Variants in VAV3 observed in about 807,000 individuals in gnomAD.
VAV3 encodes guanine nucleotide exchange factor VAV3.
A neutral mutation model predicts 131.2 loss-of-function variants in VAV3; 94 were observed. That is an observed-to-expected ratio of 0.72 (90% CI 0.61 to 0.85). VAV3 has a LOEUF of 0.85. Among genes scored for constraint, VAV3 ranks in the 40% least tolerant of loss-of-function variants. The pLI is 0.00. For synonymous variants in VAV3, 349 were observed against 342.0 expected, an observed-to-expected ratio of 1.02 and a Z score of -0.22; for missense variants, 939 against 1,002.7, an observed-to-expected ratio of 0.94 and a Z score of 0.86.
intron 1 of VAV3, among the ~76,000 whole-genome samples, chr1:107,885,615 C>G (rs1670997245): frequency 6.6e-6 from 1 of 152,074 alleles, no homozygotes; most frequent in African/African-American, 2.4e-5. Context: ...CCTCTTCAAG[C>G]CTAAGTCTCT....
chr1:107,834,571 C>G (rs575400579), intron 2 of VAV3, among the ~76,000 whole-genome samples: 35 of 151,624 alleles, frequency 2.3e-4, no homozygotes, highest in Non-Finnish European at 4.1e-4. Context: ...CATGACAGAC[C>G]ACATTCCAGG....
chr1:107,704,955 C>T lies in VAV3; in HGVS notation c.1604+5G>A, dbSNP rs1660351796. 1 of 1,612,834 alleles carries T rather than the reference C, an allele frequency of 6.2e-7. No homozygotes were observed. The highest frequency in any genetic ancestry group is 1.1e-5 in the South Asian group (1 of 90,982). On this transcript the variant is annotated splice_donor_5th_base_variant and intron_variant, in intron 16 of 26. Coordinates refer to ENST00000370056, the MANE Select transcript of VAV3 (RefSeq NM_006113.5). The stretch of plus-strand genomic sequence containing the variant: ...AAACTGAAAACCAGGACTGAGCAGG[C>T]TTACCTCAGGAGCATCTGGCAGACT...
chr1:107,798,019 T>A (rs1025473937), intron 2 of VAV3, among the ~76,000 whole-genome samples: 1 of 152,174 alleles, frequency 6.6e-6, no homozygotes, highest in Non-Finnish European at 1.5e-5. Context: ...CACAAGACCA[T>A]AGTTTCAAAG....
chr1:107,885,978 A>C (rs1247413065), intron 1 of VAV3, among the ~76,000 whole-genome samples: 1 of 152,216 alleles, frequency 6.6e-6, no homozygotes, highest in Non-Finnish European at 1.5e-5. Context: ...AGGGAGATTC[A>C]TATCTCCAAG....
chr1:107,725,357 T>C (rs1327948259), intron 15 of VAV3, among the ~76,000 whole-genome samples: 1 of 152,164 alleles, frequency 6.6e-6, no homozygotes, highest in Admixed American at 6.5e-5. Flanking sequence ...AGATTGCTGA[T>C]CCTGAATGGA....
chr1:107,875,546 C>T (rs181270065), intron 1 of VAV3, among the ~76,000 whole-genome samples: 1 of 152,102 alleles, frequency 6.6e-6, no homozygotes, highest in East Asian at 1.9e-4. Context: ...CTGAGCGTGT[C>T]TGAGAAAGGG....
At chr1:107,665,945 G>A (rs1185538660) in intron 19 of VAV3, among the ~76,000 whole-genome samples, 1 of 152,184 alleles carries the variant, frequency 6.6e-6, no homozygotes, top group Non-Finnish European at 1.5e-5. Context: ...TTGAAGGAAG[G>A]TAGAATTGTG....
At chr1:107,792,101 T>A (rs942470675) in intron 2 of VAV3, among the ~76,000 whole-genome samples, 1 of 152,216 alleles carries the variant, frequency 6.6e-6, no homozygotes, top group East Asian at 1.9e-4. Context: ...AGTACTTCAA[T>A]AGCTAACATT....
At chr1:107,925,032 A>G (rs1183771093) in intron 1 of VAV3, among the ~76,000 whole-genome samples, 1 of 152,214 alleles carries the variant, frequency 6.6e-6, no homozygotes, top group Non-Finnish European at 1.5e-5. Context: ...AAAATATGGT[A>G]CATTTATAAG....
chr1:107,635,168 C>A (rs1183477356), intron 20 of VAV3, among the ~76,000 whole-genome samples: 5 of 152,086 alleles, frequency 3.3e-5, no homozygotes, highest in Admixed American at 3.3e-4. Flanking sequence ...GACACATGCA[C>A]ATGTATGTTT....
chr1:107,783,892 C>CAAAA (rs55821232), intron 2 of VAV3, among the ~76,000 whole-genome samples: 2 of 107,960 alleles, frequency 1.9e-5, no homozygotes, highest in African/African-American at 6.9e-5. Flanking sequence ...ACTAAAAATA[C>CAAAA]AAAAAAAAAA....
At chr1:107,812,197 A>G (rs1667345200) in intron 2 of VAV3, among the ~76,000 whole-genome samples, 1 of 152,210 alleles carries the variant, frequency 6.6e-6, no homozygotes, top group South Asian at 2.1e-4. Flanking sequence ...GCAGCTGAAT[A>G]CATTAAATTA....
At chr1:107,717,126 C>G (rs878980189) in intron 15 of VAV3, among the ~76,000 whole-genome samples, 3 of 152,144 alleles carry the variant, frequency 2.0e-5, no homozygotes. Context: ...ATTCTCCTCT[C>G]TTTTCTTCTT....
intron 22 of VAV3, among the ~76,000 whole-genome samples, chr1:107,605,681 C>T (rs894996844): frequency 3.9e-5 from 6 of 151,974 alleles, no homozygotes; most frequent in African/African-American, 1.2e-4. Flanking sequence ...AAAATGCAGT[C>T]GAAACTTTGC....
At chr1:107,588,395 G>A (rs1384059135) in intron 25 of VAV3, among the ~76,000 whole-genome samples, 1 of 152,124 alleles carries the variant, frequency 6.6e-6, no homozygotes, top group East Asian at 1.9e-4. Context: ...AAAAGGAGAA[G>A]GACTTTATAA....
At chr1:107,751,088 T>G in intron 13 of VAV3, 29 bp downstream of exon 13, 2 of 1,592,830 alleles carry the variant, frequency 1.3e-6, no homozygotes, top group Non-Finnish European at 1.7e-6. Context: ...TAATTACTTA[T>G]TTTGAAAATA....
chr1:107,875,146 T>C (rs1670435054), intron 1 of VAV3, 129 bp from the exon 2 acceptor site: 2 of 791,756 alleles, frequency 2.5e-6, no homozygotes, highest in Non-Finnish European at 4.2e-6. Flanking sequence ...GCTTTTCAAT[T>C]ACTCATTCAG....
intron 21 of VAV3, among the ~76,000 whole-genome samples, chr1:107,611,529 C>A (rs1414106863): frequency 6.6e-6 from 1 of 151,424 alleles, no homozygotes; most frequent in African/African-American, 2.4e-5. Flanking sequence ...TCCTCTTTCC[C>A]TCTCCCTGTG....
chr1:107,622,147 C>T (rs61599464), intron 20 of VAV3, among the ~76,000 whole-genome samples: 55,970 of 151,950 alleles, frequency 0.37, 10,721 homozygotes, highest in East Asian at 0.47. Context: ...AAATTATTGA[C>T]AACTTCTTCT....
Sources: gnomAD v4.1 joint callset for allele counts (sites outside exome capture counted in the v4.1 genomes callset) on GRCh38, gnomAD v4.1.1 for gene constraint, MANE v1.5 for transcripts, NCBI Gene and HGNC (gene_info 2026-07-23, HGNC 2026-07-21) for gene names.